SULF1: variants seen among roughly 807,000 people sequenced by gnomAD.
SULF1 encodes the protein sulfatase 1, also known as extracellular sulfatase Sulf-1.
SULF1 carries 46 observed loss-of-function variants against 110.5 expected under a neutral mutation model. The observed-to-expected ratio is 0.42, with a 90% CI of 0.33 to 0.53. The LOEUF is 0.53. Among genes scored for constraint, SULF1 ranks in the 20% least tolerant of loss-of-function variants. The probability of loss-of-function intolerance (pLI) is 0.12; values close to 1 mark genes in which losing one functional copy is unlikely to be tolerated. For missense variants in SULF1, 941 were observed against 1,094.2 expected (o/e 0.86, Z 1.98); for synonymous variants, 371 against 387.1 (o/e 0.96, Z 0.49).
intron 5 of SULF1, among the ~76,000 whole-genome samples, chr8:69,575,697 T>C (rs376704940): frequency 1.3e-5 from 2 of 152,146 alleles, no homozygotes; most frequent in East Asian, 3.9e-4. Flanking sequence ...TATCTAAAAT[T>C]CTAGCTTTAA....
chr8:69,568,695 AC>A (rs1804987754), intron 5 of SULF1, among the ~76,000 whole-genome samples: 1 of 152,150 alleles, frequency 6.6e-6, no homozygotes, highest in Non-Finnish European at 1.5e-5. Flanking sequence ...TTGTGCCTAT[AC>A]CCGTAAGTAC....
chr8:69,504,261 C>T (rs1342403300), intron 3 of SULF1, among the ~76,000 whole-genome samples: 1 of 152,034 alleles, frequency 6.6e-6, no homozygotes, highest in Non-Finnish European at 1.5e-5. Flanking sequence ...CTAGGCTGGG[C>T]ACAGTGGCTC....
At chr8:69,608,856 A>G (rs926869847) in intron 13 of SULF1, among the ~76,000 whole-genome samples, 10 of 152,046 alleles carry the variant, frequency 6.6e-5, no homozygotes, top group Non-Finnish European at 1.5e-4. Flanking sequence ...TGGAGTGTGA[A>G]TTCCCACCAC....
intron 5 of SULF1, among the ~76,000 whole-genome samples, chr8:69,566,016 C>A (rs1327507857): frequency 1.3e-5 from 2 of 152,070 alleles, no homozygotes; most frequent in Admixed American, 6.6e-5. Flanking sequence ...CAAAACAAAA[C>A]CACCCTCCCC....
chr8:69,538,568 G>A (rs964062327), intron 3 of SULF1, among the ~76,000 whole-genome samples: 2 of 152,202 alleles, frequency 1.3e-5, no homozygotes, highest in African/African-American at 2.4e-5. Context: ...GTATGGAGAG[G>A]TGCTTGGAAA....
At chr8:69,545,540 T>C (rs1814196783) in intron 3 of SULF1, among the ~76,000 whole-genome samples, 1 of 152,216 alleles carries the variant, frequency 6.6e-6, no homozygotes, top group African/African-American at 2.4e-5. Context: ...TACTACATGA[T>C]GGAGCATTCC....
chr8:69,636,438 G>A (rs1269246550), intron 19 of SULF1, among the ~76,000 whole-genome samples: 1 of 152,058 alleles, frequency 6.6e-6, no homozygotes, highest in African/African-American at 2.4e-5. Flanking sequence ...TTGGGAGGCT[G>A]AGGAAGGAGA....
chr8:69,613,361 T>G (rs1340052164), intron 13 of SULF1, among the ~76,000 whole-genome samples: 2 of 151,528 alleles, frequency 1.3e-5, no homozygotes, highest in Admixed American at 6.6e-5. Context: ...GGTTTTTTTT[T>G]TTTGTTTCTT....
chr8:69,548,645 G>C (rs1814463375), intron 3 of SULF1, among the ~76,000 whole-genome samples: 1 of 132,064 alleles, frequency 7.6e-6, no homozygotes, highest in Admixed American at 7.9e-5. Context: ...ATTTTTAGTA[G>C]AGACAGGGTT....
At chr8:69,635,118 T>C (rs1250073747) in intron 19 of SULF1, among the ~76,000 whole-genome samples, 1 of 152,216 alleles carries the variant, frequency 6.6e-6, no homozygotes, top group East Asian at 1.9e-4. Context: ...TTAAATTAGC[T>C]AATCAACTAA....
chr8:69,538,275 CT>C (rs33972358), intron 3 of SULF1, among the ~76,000 whole-genome samples: 84 of 131,058 alleles, frequency 6.4e-4, no homozygotes, highest in Middle Eastern at 4.3e-3. Context: ...TTTCTGTTGC[CT>C]TTTTTTTTTT....
intron 15 of SULF1, among the ~76,000 whole-genome samples, chr8:69,626,895 T>C (rs1441025061): frequency 6.6e-6 from 1 of 152,230 alleles, no homozygotes; most frequent in African/African-American, 2.4e-5. Context: ...GCACTGGCCT[T>C]GGCCAGCTCA....
intron 13 of SULF1, among the ~76,000 whole-genome samples, chr8:69,618,970 C>G (rs936447119): frequency 2.6e-5 from 4 of 152,178 alleles, no homozygotes; most frequent in Non-Finnish European, 4.4e-5. Flanking sequence ...CAGTAGGACA[C>G]TTTGCAACCA....
At chr8:69,597,720 G>C (rs1352807989) in intron 8 of SULF1, 5 of 152,038 alleles carry the variant, frequency 3.3e-5, no homozygotes, top group Non-Finnish European at 7.4e-5. Flanking sequence ...TTTGTGTTGA[G>C]GTTTTGTGGT....
chr8:69,554,978 CAAAA>C (rs141225696), intron 3 of SULF1, among the ~76,000 whole-genome samples: 3 of 63,494 alleles, frequency 4.7e-5, no homozygotes, highest in African/African-American at 2.0e-4. Context: ...GATTCCATCT[CAAAA>C]AAAAAAAAAA....
At chr8:69,532,748 A>G (rs974961016) in intron 3 of SULF1, among the ~76,000 whole-genome samples, 1 of 152,178 alleles carries the variant, frequency 6.6e-6, no homozygotes, top group Non-Finnish European at 1.5e-5. Flanking sequence ...TGATTGTGCA[A>G]TAGATCTCTA....
At chr8:69,572,099 C>G (rs1356589954) in intron 5 of SULF1, among the ~76,000 whole-genome samples, 1 of 152,142 alleles carries the variant, frequency 6.6e-6, no homozygotes, top group Non-Finnish European at 1.5e-5. Flanking sequence ...GTGTTAATGT[C>G]AGTCAGTATC....
chr8:69,491,945 A>G (rs947567657), upstream of SULF1, among the ~76,000 whole-genome samples: 2 of 152,002 alleles, frequency 1.3e-5, no homozygotes, highest in Non-Finnish European at 2.9e-5. Flanking sequence ...TGAGCCTTGA[A>G]GGAAGTGGGT....
chr8:69,565,860 T>C (rs2150724674), intron 5 of SULF1, among the ~76,000 whole-genome samples: 1 of 152,182 alleles, frequency 6.6e-6, no homozygotes, highest in East Asian at 1.9e-4. Context: ...AATTGCCATC[T>C]CCCCAAAGGT....
Sources: allele counts gnomAD v4.1 joint callset (sites outside exome capture counted in the v4.1 genomes callset), GRCh38; gene constraint gnomAD v4.1.1; transcripts MANE v1.5; gene names NCBI Gene and HGNC (gene_info 2026-07-23, HGNC 2026-07-21).